FMN2: variants seen among roughly 807,000 people sequenced by gnomAD.
FMN2 encodes formin-2.
FMN2 carries 51 observed loss-of-function variants against 142.3 expected under a neutral mutation model. The ratio of observed to expected loss-of-function variants is 0.36; its 90% CI spans 0.29 to 0.45. The LOEUF is 0.45. Among genes scored for constraint, FMN2 ranks in the 20% least tolerant of loss-of-function variants. The pLI, the probability that FMN2 is intolerant of heterozygous loss-of-function variation, is 1.00. For missense variants in FMN2, 1,936 were observed against 2,122.8 expected, an observed-to-expected ratio of 0.91 and a Z score of 1.73; for synonymous variants, 882 against 869.8, an observed-to-expected ratio of 1.01 and a Z score of -0.25.
chr1:240,323,687 G>A (rs1218239084), intron 8 of FMN2, among the ~76,000 whole-genome samples: 2 of 152,268 alleles, frequency 1.3e-5, no homozygotes, highest in South Asian at 2.1e-4. Flanking sequence ...CCATTTGTGA[G>A]GATAAAAATG....
chr1:240,188,258 A>G lies in FMN2; in HGVS notation c.1982A>G (p.Gln661Arg). The G allele has an allele frequency of 6.2e-7, 1 of 1,613,664 alleles. No homozygotes were observed. The highest frequency in any genetic ancestry group is 8.5e-7 in the Non-Finnish European group (1 of 1,179,668). ...ETPQKRSDAVQKEVVDMKSEG... is the reference protein window; with the variant it reads ...ETPQKRSDAVRKEVVDMKSEG... ...CCCCAAAAACGCTCAGATGCTGTCC[A>G]GAAGGTAAGATGATCTTATTAGGAT... The change falls in exon 4 of 18, where the codon CAG becomes CGG. Residue 661 changes from glutamine (Q) to arginine (R), a missense_variant. Physicochemically the swap from Gln to Arg is conservative, Grantham distance 43. Coordinates refer to ENST00000319653, the MANE Select transcript of FMN2 (RefSeq NM_020066.5).
chr1:240,459,289 CCTTGCTGTTTACT>C (rs1676356790), intron 16 of FMN2: 1 of 152,056 alleles, frequency 6.6e-6, no homozygotes, highest in Non-Finnish European at 1.5e-5. Flanking sequence ...GGAGTGTGAA[CCTTGCTGTTTACT>C]CATCTACCCC....
chr1:240,444,868 GA>G (rs1385577505), intron 16 of FMN2, among the ~76,000 whole-genome samples: 2 of 152,190 alleles, frequency 1.3e-5, no homozygotes, highest in Non-Finnish European at 2.9e-5. Context: ...AAATACATCT[GA>G]AGAATGGAGA....
intron 7 of FMN2, among the ~76,000 whole-genome samples, chr1:240,294,196 G>A (rs1048652171): frequency 6.6e-6 from 1 of 152,124 alleles, no homozygotes; most frequent in Non-Finnish European, 1.5e-5. Context: ...CAACAAATGC[G>A]TAAAGAAAAT....
intron 7 of FMN2, among the ~76,000 whole-genome samples, chr1:240,264,141 G>A (rs1217300014): frequency 6.6e-6 from 1 of 152,028 alleles, no homozygotes; most frequent in Non-Finnish European, 1.5e-5. Flanking sequence ...ACAATGCACA[G>A]GCTCTTAGAT....
intron 2 of FMN2, among the ~76,000 whole-genome samples, chr1:240,157,066 A>G (rs1244891464): frequency 6.6e-6 from 1 of 152,208 alleles, no homozygotes; most frequent in Non-Finnish European, 1.5e-5. Context: ...TTTCTTAGCA[A>G]TAAAAGGCAT....
At chr1:240,276,038 G>C (rs1325682967) in intron 7 of FMN2, among the ~76,000 whole-genome samples, 1 of 152,176 alleles carries the variant, frequency 6.6e-6, no homozygotes, top group African/African-American at 2.4e-5. Flanking sequence ...ACCAAATATG[G>C]TGGCTCACAC....
chr1:240,135,524 C>A (rs1344881607), intron 2 of FMN2, among the ~76,000 whole-genome samples: 8 of 152,096 alleles, frequency 5.3e-5, no homozygotes, highest in Admixed American at 5.2e-4. Context: ...GTATGGGGAA[C>A]TTTTCTTTAC....
chr1:240,117,072 T>C (rs1662052809), intron 1 of FMN2, among the ~76,000 whole-genome samples: 2 of 151,912 alleles, frequency 1.3e-5, no homozygotes, highest in Non-Finnish European at 2.9e-5. Context: ...GCCAAAGAAG[T>C]GAGATCTTGG....
Position 240,428,478 on chromosome 1 carries a change from T to C in FMN2, c.4911-9583T>C, listed in dbSNP as rs185231062. ...CTGGCTTGAAGTGATCCTCTTGCCT[T>C]GGCATCCTTAAGTGTTGCAACTGCA... On this transcript the variant is annotated intron_variant, in intron 15 of 17. Transcript: ENST00000319653. Among the ~76,000 whole-genome samples the C allele has an allele frequency of 5.3e-5, 8 of 152,280 alleles. No individual in the cohort carries two copies. The East Asian group carries it at 1.5e-3, about 29-fold the overall frequency.
At chr1:240,189,108 A>G (rs1042737176) in intron 4 of FMN2, among the ~76,000 whole-genome samples, 1 of 151,894 alleles carries the variant, frequency 6.6e-6, no homozygotes, top group East Asian at 1.9e-4. Context: ...TTACCAAAGA[A>G]GCCAAATTTT....
chr1:240,433,709 A>G (rs1675258077), intron 15 of FMN2, among the ~76,000 whole-genome samples: 1 of 152,160 alleles, frequency 6.6e-6, no homozygotes, highest in African/African-American at 2.4e-5. Context: ...CCTTTTCAGG[A>G]ATACCTTTTT....
chr1:240,294,892 T>A lies in FMN2; in HGVS notation c.4215+9T>A. The A allele has an allele frequency of 6.2e-7, 1 of 1,611,286 alleles. No homozygotes were observed. Among genetic ancestry groups the A allele is most frequent in the South Asian group, 1.1e-5 (1 of 91,034 alleles). On this transcript the variant is annotated intron_variant, in intron 8 of 17. Coordinates refer to ENST00000319653, the MANE Select transcript of FMN2 (RefSeq NM_020066.5). ...AAGCTCTCTATGAGAATGTGAGTAA[T>A]AGAAGGAATTTTATGTGTGAGTATA...
chr1:240,361,857 T>C (rs1333322081), intron 14 of FMN2, among the ~76,000 whole-genome samples: 2 of 152,132 alleles, frequency 1.3e-5, no homozygotes, highest in Non-Finnish European at 2.9e-5. Context: ...TGGAGGAGAA[T>C]AGCATTTTTA....
chr1:240,411,441 C>T (rs1453991955), intron 15 of FMN2, among the ~76,000 whole-genome samples: 1 of 152,006 alleles, frequency 6.6e-6, no homozygotes, highest in Non-Finnish European at 1.5e-5. Flanking sequence ...CATGCTGTCA[C>T]ATGCCTGTAA....
At chr1:240,468,977 A>G (rs1217799952) in intron 16 of FMN2, among the ~76,000 whole-genome samples, 1 of 152,182 alleles carries the variant, frequency 6.6e-6, no homozygotes, top group Non-Finnish European at 1.5e-5. Flanking sequence ...TCTTGTTGTC[A>G]GAGTTTTGTT....
At chr1:240,189,137 C>A (rs112407446) in intron 4 of FMN2, among the ~76,000 whole-genome samples, 1 of 147,448 alleles carries the variant, frequency 6.8e-6, no homozygotes, top group Non-Finnish European at 1.5e-5. Context: ...TTTTTTCTTA[C>A]GCTAAAATGC....
chr1:240,370,871 C>T (rs1438457716), intron 14 of FMN2, among the ~76,000 whole-genome samples: 4 of 152,084 alleles, frequency 2.6e-5, no homozygotes, highest in South Asian at 2.1e-4. Context: ...TGTGCGACTA[C>T]TCATTAAAAT....
At chr1:240,143,610 G>A in intron 2 of FMN2, 2 of 1,609,828 alleles carry the variant, frequency 1.2e-6, no homozygotes, top group Non-Finnish European at 1.7e-6. Context: ...CCAGTGTGTT[G>A]GCAAAACTGC....
Sources: allele counts gnomAD v4.1 joint callset (sites outside exome capture counted in the v4.1 genomes callset), GRCh38; gene constraint gnomAD v4.1.1; transcripts MANE v1.5; gene names NCBI Gene and HGNC (gene_info 2026-07-23, HGNC 2026-07-21).